BIRC6: variants seen among roughly 807,000 people sequenced by gnomAD.
BIRC6 encodes dual E2 ubiquitin-conjugating enzyme/E3 ubiquitin-protein ligase BIRC6.
A neutral mutation model predicts 503.3 loss-of-function variants in BIRC6; 98 were observed. The observed-to-expected ratio is 0.19, with a 90% CI of 0.17 to 0.23. The LOEUF is 0.23. Ranked by LOEUF, BIRC6 falls within the 10% of genes least tolerant of loss-of-function variation. The pLI, the probability that BIRC6 is intolerant of heterozygous loss-of-function variation, is 1.00. For synonymous variants in BIRC6, 2,240 were observed against 2,078.7 expected, an observed-to-expected ratio of 1.08 and a Z score of -2.11; for missense variants, 5,360 against 5,806.0, an observed-to-expected ratio of 0.92 and a Z score of 2.50.
At chr2:32,450,700 G>T (rs139461588) in intron 22 of BIRC6, among the ~76,000 whole-genome samples, 5 of 152,118 alleles carry the variant, frequency 3.3e-5, no homozygotes, top group African/African-American at 1.2e-4. Flanking sequence ...TGGGGAATTG[G>T]TTCCAGGACT....
intron 1 of BIRC6, among the ~76,000 whole-genome samples, chr2:32,374,051 G>A (rs1405852659): frequency 6.6e-6 from 1 of 152,182 alleles, no homozygotes; most frequent in Non-Finnish European, 1.5e-5. Context: ...GCTTTGGGGA[G>A]AGGGGATAAA....
At chr2:32,402,120 T>C (rs2040673859) in intron 8 of BIRC6, among the ~76,000 whole-genome samples, 1 of 150,968 alleles carries the variant, frequency 6.6e-6, no homozygotes, top group Non-Finnish European at 1.5e-5. Context: ...TGAGTTGAGA[T>C]ACCATAATTA....
chr2:32,365,988 G>A (rs965792285), intron 1 of BIRC6, among the ~76,000 whole-genome samples: 4 of 152,032 alleles, frequency 2.6e-5, no homozygotes, highest in Admixed American at 6.6e-5. Flanking sequence ...GGGTTCAAGC[G>A]ATTCTCCTGT....
At chr2:32,371,360 T>C (rs1246928255) in intron 1 of BIRC6, among the ~76,000 whole-genome samples, 1 of 152,068 alleles carries the variant, frequency 6.6e-6, no homozygotes, top group Admixed American at 6.6e-5. Flanking sequence ...GGCATTTCTT[T>C]TTACTTTCTT....
At chr2:32,465,839 C>T (rs115104324) in intron 26 of BIRC6, among the ~76,000 whole-genome samples, 13 of 152,248 alleles carry the variant, frequency 8.5e-5, no homozygotes, top group Admixed American at 2.6e-4. Flanking sequence ...ATAGTATTTG[C>T]GTTCTTGCAA....
rs2055283352 is a variant in BIRC6 at position 32,518,323 on chromosome 2, T to G, written c.11419T>G (p.Phe3807Val). ...TCCAACATCTGGGAACATTTCAGGG[T>G]TTATACGAAGATTATTTTTACAGTT... Reference protein sequence around the residue: ...NLPTSGNISGFIRRLFLQLML... With the variant: ...NLPTSGNISGVIRRLFLQLML... The change falls in exon 56 of 74, where the codon TTT (phenylalanine) becomes GTT (valine). Residue 3807 changes from phenylalanine to valine, a missense_variant. Phe to Val is a conservative substitution (Grantham distance 50). Coordinates refer to ENST00000421745, the MANE Select transcript of BIRC6 (RefSeq NM_016252.4). The G allele has an allele frequency of 2.5e-6, 4 of 1,611,308 alleles. No individual in the cohort carries two copies. The highest frequency in any genetic ancestry group is 3.4e-6 in the Non-Finnish European group (4 of 1,179,250).
At chr2:32,421,296 A>G (rs2042933934) in intron 10 of BIRC6, among the ~76,000 whole-genome samples, 4 of 151,746 alleles carry the variant, frequency 2.6e-5, no homozygotes, top group South Asian at 2.1e-4. Context: ...TAGAAGAGAC[A>G]GGGTCTCACC....
intron 63 of BIRC6, among the ~76,000 whole-genome samples, chr2:32,546,313 C>G (rs1212913298): frequency 1.3e-5 from 2 of 152,158 alleles, no homozygotes; most frequent in African/African-American, 4.8e-5. Context: ...GGTGAGGTGG[C>G]TCATGCCTGT....
intron 61 of BIRC6, among the ~76,000 whole-genome samples, chr2:32,540,531 G>T (rs2057580483): frequency 1.3e-5 from 2 of 151,962 alleles, no homozygotes; most frequent in South Asian, 4.1e-4. Context: ...CAAAAAGCAT[G>T]TTTTCATATA....
chr2:32,535,566 C>CCT (rs2057162199), intron 61 of BIRC6, among the ~76,000 whole-genome samples: 1 of 152,058 alleles, frequency 6.6e-6, no homozygotes. Context: ...TTGGTTTTTT[C>CCT]GTCCTTGCGA....
intron 3 of BIRC6, among the ~76,000 whole-genome samples, chr2:32,382,421 A>G (rs1254132912): frequency 6.6e-6 from 1 of 152,232 alleles, no homozygotes; most frequent in Non-Finnish European, 1.5e-5. Flanking sequence ...CTTTGCTGAA[A>G]CAGTGCTGAT....
In BIRC6 at chr2:32,470,095, A is replaced by G. The variant is rs2048958128; in HGVS notation, c.6348-73A>G. The G allele has an allele frequency of 5.8e-6, 7 of 1,209,210 alleles. No homozygotes were observed. The South Asian group carries it at 1.1e-4, about 18-fold the overall frequency. 74.9% of individuals were successfully genotyped at this position (1,209,210 alleles called of 1,614,324 possible). On this transcript the variant is annotated intron_variant, in intron 30 of 73. Transcript: ENST00000421745. ...TCTATCATTACTCTGTTAAATTTCT[A>G]TGTAAATTATTTTAAAAATTGAACA...
chr2:32,413,300 C>T (rs917935046), intron 9 of BIRC6, among the ~76,000 whole-genome samples: 1 of 151,874 alleles, frequency 6.6e-6, no homozygotes, highest in African/African-American at 2.4e-5. Flanking sequence ...CCAGCCCCAG[C>T]CTCCTGAGTA....
chr2:32,521,466 T>G (rs1422271796), intron 57 of BIRC6, among the ~76,000 whole-genome samples: 1 of 150,848 alleles, frequency 6.6e-6, no homozygotes, highest in East Asian at 1.9e-4. Flanking sequence ...CTCTCTGTTT[T>G]TTTTGTTTTT....
At chr2:32,572,886 A>G (rs966804489) in intron 65 of BIRC6, among the ~76,000 whole-genome samples, 3 of 152,128 alleles carry the variant, frequency 2.0e-5, no homozygotes, top group Non-Finnish European at 4.4e-5. Context: ...TCTATTTTAC[A>G]TCAGTTGTAG....
chr2:32,391,052 A>T (rs1023055027), intron 4 of BIRC6, among the ~76,000 whole-genome samples: 1 of 151,752 alleles, frequency 6.6e-6, no homozygotes, highest in African/African-American at 2.4e-5. Context: ...ACGTAATTAG[A>T]ACAAGTGCTT....
chr2:32,405,301 CT>C (rs1258381576), intron 8 of BIRC6, among the ~76,000 whole-genome samples: 1 of 152,088 alleles, frequency 6.6e-6, no homozygotes, highest in African/African-American at 2.4e-5. Flanking sequence ...TGATTTTAAA[CT>C]TTTTTTGCAT....
chr2:32,594,039 A>G lies in BIRC6; in HGVS notation c.13480A>G (p.Ser4494Gly), dbSNP rs2061536134. ...TAEIVYAATT[S>G]LRQANQEKKL... ...TGAGATAGTTTATGCAGCCACCACCAGTTTGCGGCAAGCAAATCAGGGTAC... is the reference window on the plus strand; with the variant it reads ...TGAGATAGTTTATGCAGCCACCACCGGTTTGCGGCAAGCAAATCAGGGTAC... The change falls in exon 67 of 74, where the codon AGT becomes GGT. Residue 4494 changes from serine (S) to glycine (G), a missense_variant. Coordinates refer to ENST00000421745, the MANE Select transcript of BIRC6 (RefSeq NM_016252.4). 1.2e-6 allele frequency: 2 copies of G among 1,610,956 alleles called. No individual in the cohort carries two copies. The highest frequency in any genetic ancestry group is 1.7e-6 in the Non-Finnish European group (2 of 1,178,682).
chr2:32,529,434 C>CT, intron 59 of BIRC6: 1 of 412,898 alleles, frequency 2.4e-6, no homozygotes, highest in South Asian at 5.3e-5. Flanking sequence ...TTGCCCATGA[C>CT]TTTTTAACAC....
Sources: gnomAD v4.1 joint callset for allele counts (sites outside exome capture counted in the v4.1 genomes callset) on GRCh38, gnomAD v4.1.1 for gene constraint, MANE v1.5 for transcripts, NCBI Gene and HGNC (gene_info 2026-07-23, HGNC 2026-07-21) for gene names.